The following GUCY1B1 variants were observed in gnomAD, a reference collection of about 807,000 sequenced individuals.
GUCY1B1 encodes the protein guanylate cyclase 1 soluble subunit beta 1, also known as guanylate cyclase soluble subunit beta-1.
Under a neutral mutation model 71.0 loss-of-function variants are expected in GUCY1B1, and 43 were observed. That is an observed-to-expected ratio of 0.61 (90% CI 0.47 to 0.78). GUCY1B1 has a LOEUF of 0.78. GUCY1B1 is among the 30% of genes least tolerant of loss of function. The probability of loss-of-function intolerance (pLI) is 0.00; values close to 1 mark genes in which losing one functional copy is unlikely to be tolerated. For synonymous variants in GUCY1B1, 266 were observed against 259.7 expected (o/e 1.02, Z -0.23); for missense variants, 535 against 754.1 (o/e 0.71, Z 3.40).
intron 2 of GUCY1B1, among the ~76,000 whole-genome samples, chr4:155,767,261 G>T (rs954672348): frequency 6.6e-6 from 1 of 152,108 alleles, no homozygotes. Flanking sequence ...TCAAGCATGC[G>T]TACAGGTGAT....
At chr4:155,790,921 T>C (rs145858762) in intron 5 of GUCY1B1, among the ~76,000 whole-genome samples, 57 of 152,276 alleles carry the variant, frequency 3.7e-4, no homozygotes, top group African/African-American at 1.2e-3. Context: ...GCATCGTTAG[T>C]TTTCTACAAC....
chr4:155,777,941 G>T (rs1229557741), intron 4 of GUCY1B1, among the ~76,000 whole-genome samples: 1 of 152,006 alleles, frequency 6.6e-6, no homozygotes, highest in Non-Finnish European at 1.5e-5. Context: ...TTTTTTTGGG[G>T]TAATGGCTCT....
At chr4:155,797,918 G>A (rs372848618) in intron 8 of GUCY1B1, among the ~76,000 whole-genome samples, 2 of 151,666 alleles carry the variant, frequency 1.3e-5, no homozygotes, top group South Asian at 2.1e-4. Context: ...AAACATAAAC[G>A]CTTTTTAAAA....
intron 4 of GUCY1B1, among the ~76,000 whole-genome samples, chr4:155,787,318 C>A (rs1579229213): frequency 1.3e-5 from 2 of 152,268 alleles, no homozygotes; most frequent in East Asian, 1.9e-4. Context: ...TAGAGGCAAT[C>A]CGGATGAACT....
intron 9 of GUCY1B1, among the ~76,000 whole-genome samples, chr4:155,800,436 G>A (rs1328071806): frequency 1.3e-5 from 2 of 152,090 alleles, no homozygotes; most frequent in Non-Finnish European, 2.9e-5. Context: ...TCAGTATGCT[G>A]GGGGCTGCCG....
At chr4:155,797,991 C>A (rs1186930762) in intron 8 of GUCY1B1, among the ~76,000 whole-genome samples, 1 of 152,068 alleles carries the variant, frequency 6.6e-6, no homozygotes, top group South Asian at 2.1e-4. Context: ...TTTTCTTCTT[C>A]TGCCTCTTCA....
At chr4:155,786,707 T>C (rs1342076938) in intron 4 of GUCY1B1, among the ~76,000 whole-genome samples, 1 of 151,784 alleles carries the variant, frequency 6.6e-6, no homozygotes, top group Admixed American at 6.6e-5. Context: ...TCTCCTGACC[T>C]TGTGATCCGC....
Position 155,789,879 on chromosome 4 carries a change from C to T in GUCY1B1, c.463C>T (p.Gln155Ter), listed in dbSNP as rs925080464. The change falls in exon 5 of 14, where the codon CAA (glutamine) becomes TAA (stop). Residue 155 changes from glutamine (Q) to a stop codon, truncating the protein, a stop_gained. Transcript: ENST00000264424. LOFTEE classifies it high-confidence loss of function. ...IVIGIIKTVA[Q>*]QIHGTEIDMK... Reference sequence around the variant, plus strand: ...CATTGGAATCATCAAAACAGTGGCACAACAAATCCATGGCACTGAAATAGA... The same window carrying T: ...CATTGGAATCATCAAAACAGTGGCATAACAAATCCATGGCACTGAAATAGA... The T allele has an allele frequency of 3.1e-6, 5 of 1,611,992 alleles. No individual in the cohort carries two copies. The highest frequency in any genetic ancestry group is 4.2e-6 in the Non-Finnish European group (5 of 1,178,636).
rs748760086 is a variant in GUCY1B1, at chr4:155,804,598, A to G, written c.1560A>G (p.Thr520=). 6 of 1,610,994 alleles carry G rather than the reference A, an allele frequency of 3.7e-6. No homozygotes were observed. Among genetic ancestry groups the G allele is most frequent in the Non-Finnish European group, 5.1e-6 (6 of 1,178,060 alleles). Residue 520 remains threonine, a synonymous_variant, in exon 12 of 14, where the codon ACA becomes ACG. Coordinates refer to ENST00000264424, the MANE Select transcript of GUCY1B1 (RefSeq NM_000857.5). The part of the protein sequence containing the change: ...VQVDGESVQI[T]IGIHTGEVVT... The stretch of plus-strand genomic sequence containing the variant: ...CAAAGCTTTCTTTTTTGCAGATAAC[A>G]ATAGGGATACACACTGGAGAGGTAG...
At chr4:155,769,823 T>G (rs1388120128) in intron 2 of GUCY1B1, among the ~76,000 whole-genome samples, 1 of 152,082 alleles carries the variant, frequency 6.6e-6, no homozygotes, top group Non-Finnish European at 1.5e-5. Flanking sequence ...ATAAGTACAA[T>G]TTAAATAATA....
intron 3 of GUCY1B1, 132 bp downstream of exon 3, chr4:155,775,200 G>T: frequency 1.5e-6 from 1 of 654,266 alleles, no homozygotes; most frequent in East Asian, 2.6e-5. Flanking sequence ...GTTGTGTGGT[G>T]GGCATCCACA....
intron 4 of GUCY1B1, chr4:155,785,398 C>A: frequency 1.5e-6 from 1 of 687,528 alleles, no homozygotes; most frequent in Non-Finnish European, 2.5e-6. Context: ...TTGCAATTGG[C>A]CACACAGCTC....
intron 4 of GUCY1B1, among the ~76,000 whole-genome samples, chr4:155,778,284 G>A (rs1738192185): frequency 6.6e-6 from 1 of 152,154 alleles, no homozygotes; most frequent in Non-Finnish European, 1.5e-5. Context: ...TTAAAAGATT[G>A]TACTAGTAAA....
In GUCY1B1 at chr4:155,759,119, C is replaced by G. The variant is rs1350101288; in HGVS notation, c.-22C>G. ...CGTACCTCTGCGTGGGGGCTGCCTCCCCGGCTCCCGGTGCAGACACCATGG... is the reference window on the plus strand; with the variant it reads ...CGTACCTCTGCGTGGGGGCTGCCTCGCCGGCTCCCGGTGCAGACACCATGG... On this transcript the variant is annotated 5_prime_UTR_variant, in exon 1 of 14. Coordinates refer to ENST00000264424, the MANE Select transcript of GUCY1B1 (RefSeq NM_000857.5). 1 of 1,591,214 alleles carries G rather than the reference C, an allele frequency of 6.3e-7. No individual in the cohort carries two copies. The highest frequency in any genetic ancestry group is 1.7e-4 in the Middle Eastern group (1 of 5,998).
chr4:155,772,426 G>T (rs897994942), intron 2 of GUCY1B1, among the ~76,000 whole-genome samples: 11 of 152,118 alleles, frequency 7.2e-5, no homozygotes, highest in African/African-American at 2.4e-4. Context: ...TCGCTTGTTT[G>T]TTAGCTGAGT....
chr4:155,773,209 A>G (rs1737812562), intron 2 of GUCY1B1, among the ~76,000 whole-genome samples: 2 of 152,228 alleles, frequency 1.3e-5, no homozygotes, highest in Admixed American at 6.5e-5. Flanking sequence ...AACATTGGCA[A>G]TGATATCTGG....
chr4:155,788,517 A>G (rs1738950012), intron 4 of GUCY1B1, among the ~76,000 whole-genome samples: 1 of 152,220 alleles, frequency 6.6e-6, no homozygotes, highest in Non-Finnish European at 1.5e-5. Context: ...TGGATAATCC[A>G]GGATAATCTT....
intron 2 of GUCY1B1, among the ~76,000 whole-genome samples, chr4:155,760,390 G>T (rs1288091959): frequency 6.6e-6 from 1 of 152,110 alleles, no homozygotes; most frequent in East Asian, 1.9e-4. Context: ...AGTGAAAATT[G>T]GAAGTTTTTT....
In GUCY1B1 at chr4:155,802,122, G is replaced by A. The variant is rs555720967; in HGVS notation, c.1176-220G>A. ...TTGGTTTGAACTAGTTTGGGCTTGC[G>A]GATGTCTTATGTGATTAGGATGAAC... is the stretch of plus-strand genomic sequence containing the variant. On this transcript the variant is annotated intron_variant, in intron 9 of 13. Transcript: ENST00000264424. This position sits in a 1 kb window ranked among gnomAD's most constrained non-coding sequence, Gnocchi z 4.3. The A allele has an allele frequency of 1.4e-4, 140 of 1,029,612 alleles. No homozygotes were observed. The African/African-American group carries it at 1.6e-3, about 12-fold the overall frequency. 63.8% of individuals were successfully genotyped at this position (1,029,612 alleles called of 1,614,324 possible). A position where few individuals can be genotyped will look rare whatever the true frequency, so the allele number is the denominator to read the frequency against.
Sources: gnomAD v4.1 joint callset for allele counts (sites outside exome capture counted in the v4.1 genomes callset) on GRCh38, gnomAD v4.1.1 for gene constraint, Gnocchi (gnomAD v3.1) non-coding constraint, MANE v1.5 for transcripts, NCBI Gene and HGNC (gene_info 2026-07-23, HGNC 2026-07-21) for gene names.